Variants in THAP5 observed in about 807,000 individuals in gnomAD.
The protein encoded by THAP5 is THAP domain-containing protein 5.
THAP5 carries 26 observed loss-of-function variants against 34.0 expected under a neutral mutation model. The ratio of observed to expected loss-of-function variants is 0.77; its 90% CI spans 0.56 to 1.06. The LOEUF is 1.06. Ranked by LOEUF, THAP5 falls within the 50% of genes least tolerant of loss-of-function variation. The pLI is 0.00. For synonymous variants in THAP5, 125 were observed against 153.0 expected (o/e 0.82, Z 1.35); for missense variants, 394 against 452.8 (o/e 0.87, Z 1.18).
At chr7:108,553,641 A>G (rs1289619214), downstream of THAP5, among the ~76,000 whole-genome samples, 1 of 152,188 alleles carries the variant, frequency 6.6e-6, no homozygotes, top group East Asian at 1.9e-4. Context: ...AACTCAGTCA[A>G]GAATAAAATC....
chr7:108,562,797 A>C lies in THAP5; in HGVS notation c.*1394T>G, dbSNP rs1790382127. ...TTACAGTTTTCTTAAAATCATGTGAATATAAACAGTATTTTTATTTACATT... is the reference window on the plus strand; with the variant it reads ...TTACAGTTTTCTTAAAATCATGTGACTATAAACAGTATTTTTATTTACATT... On this transcript the variant is annotated 3_prime_UTR_variant, in exon 3 of 3. Transcript: ENST00000415914. 2 of 152,186 alleles carry C rather than the reference A, an allele frequency of 1.3e-5. No homozygotes were observed. The highest frequency in any genetic ancestry group is 2.1e-4 in the South Asian group (1 of 4,828). 9.4% of individuals were successfully genotyped at this position (152,186 alleles called of 1,614,324 possible).
downstream of THAP5, among the ~76,000 whole-genome samples, chr7:108,551,522 T>C (rs1258872826): frequency 6.6e-6 from 1 of 152,238 alleles, no homozygotes; most frequent in Non-Finnish European, 1.5e-5. Flanking sequence ...TTTTTCTTTG[T>C]AAATTACCCA....
downstream of THAP5, among the ~76,000 whole-genome samples, chr7:108,558,415 T>TATATATATATA (rs1554694595): frequency 1.6e-4 from 10 of 61,182 alleles, no homozygotes; most frequent in African/African-American, 4.7e-4. Flanking sequence ...ATATATATAT[T>TATATATATATA]TAGACAGAGT....
downstream of THAP5, among the ~76,000 whole-genome samples, chr7:108,561,273 T>TC (rs1864427681): frequency 1.3e-5 from 2 of 151,420 alleles, no homozygotes; most frequent in African/African-American, 4.9e-5. Flanking sequence ...ATACCATTTT[T>TC]TTTTTTTAAA....
In THAP5 at chr7:108,564,531, G is replaced by C. The variant is rs1308035714; in HGVS notation, c.848C>G (p.Pro283Arg). The C allele has an allele frequency of 1.9e-6, 3 of 1,613,596 alleles. No individual in the cohort carries two copies. Among genetic ancestry groups the C allele is most frequent in the Non-Finnish European group, 2.5e-6 (3 of 1,179,872 alleles). Residue 283 changes from proline to arginine, a missense_variant, in exon 3 of 3, where the codon CCC (proline) becomes CGC (arginine). By Grantham distance (103) the Pro-to-Arg change is moderately radical (BLOSUM62 -2). Transcript: ENST00000415914. ...TGCAGATATAAAAGAATTAACTGAG[G>C]GTTTAGAATTTTCAGCAGGTACAAA... ...AIFVPAENSK[P>R]SVNSFISAQK...
intron 1 of THAP5, among the ~76,000 whole-genome samples, chr7:108,566,686 A>T (rs932183244): frequency 2.0e-5 from 3 of 152,208 alleles, no homozygotes; most frequent in African/African-American, 7.2e-5. Context: ...AGAAGAAAAG[A>T]ATGGAACATG....
At chr7:108,561,322 G>A (rs1864428244), downstream of THAP5, among the ~76,000 whole-genome samples, 1 of 151,404 alleles carries the variant, frequency 6.6e-6, no homozygotes, top group Non-Finnish European at 1.5e-5. Context: ...GGAATGCAGT[G>A]GCACGATCTC....
downstream of THAP5, among the ~76,000 whole-genome samples, chr7:108,552,125 A>C (rs1433598904): frequency 1.3e-5 from 2 of 152,190 alleles, no homozygotes; most frequent in Non-Finnish European, 2.9e-5. Context: ...TTTCAGTATA[A>C]TGCCCCTGCC....
Position 108,565,755 on chromosome 7 carries a change from C to T in THAP5, c.273+75G>A, listed in dbSNP as rs528237634. On this transcript the variant is annotated intron_variant, in intron 2 of 2. Coordinates refer to ENST00000415914, the MANE Select transcript of THAP5 (RefSeq NM_001130475.3). ...TTACCCAAGTTATAGTTCCCTCTTA[C>T]TCTCCCACCTGATCACCTGCCACCC... is the stretch of plus-strand genomic sequence containing the variant. 3.4e-5 allele frequency: 41 copies of T among 1,198,540 alleles called. 1 individual carries two copies. The East Asian group carries it at 9.9e-4, about 29-fold the overall frequency. The allele number at this position is 1,198,540 out of a possible 1,614,324, so 74.2% of individuals were successfully genotyped here. A position where few individuals can be genotyped will look rare whatever the true frequency, so the allele number is the denominator to read the frequency against.
chr7:108,556,625 G>A (rs1260099148), intron 1 of THAP5, among the ~76,000 whole-genome samples: 1 of 152,222 alleles, frequency 6.6e-6, no homozygotes, highest in Non-Finnish European at 1.5e-5. Flanking sequence ...AAGGCCTCGG[G>A]CAGCTCTTCC....
the THAP5 span, among the ~76,000 whole-genome samples, chr7:108,549,117 C>CAT: frequency 6.8e-6 from 1 of 147,956 alleles, no homozygotes; most frequent in African/African-American, 2.5e-5. Context: ...CACACACACA[C>CAT]ACACACACAC....
intron 2 of THAP5, 62 bp downstream of exon 2, chr7:108,565,768 T>C (rs1309317158): frequency 7.5e-7 from 1 of 1,327,932 alleles, no homozygotes; most frequent in African/African-American, 1.5e-5. Flanking sequence ...TCCCACCTGA[T>C]CACCTGCCAC....
At chr7:108,569,295 C>T (rs1790557881) in intron 1 of THAP5, 195 bp downstream of exon 1, 1 of 1,441,082 alleles carries the variant, frequency 6.9e-7, no homozygotes, top group East Asian at 2.5e-5. Context: ...CGCCACCAGC[C>T]AGCAGTCCTC....
At chr7:108,542,007 C>T in the THAP5 span, among the ~76,000 whole-genome samples, 1 of 152,110 alleles carries the variant, frequency 6.6e-6, no homozygotes, top group Admixed American at 6.5e-5. Flanking sequence ...CTGTTCATTG[C>T]AGCACCTTGA....
the THAP5 span, among the ~76,000 whole-genome samples, chr7:108,547,711 C>T: frequency 2.0e-5 from 3 of 152,240 alleles, no homozygotes; most frequent in Admixed American, 2.0e-4. Flanking sequence ...TCTTTTAGTC[C>T]TAGTTCTATT....
In THAP5 at chr7:108,566,082, G is replaced by C. The variant is rs1271740724; in HGVS notation, c.81-60C>G. 3.5e-6 allele frequency: 5 copies of C among 1,422,406 alleles called. No homozygotes were observed. The African/African-American group carries it at 7.3e-5, about 21-fold the overall frequency. The allele number at this position is 1,422,406 out of a possible 1,614,324, so 88.1% of individuals were successfully genotyped here. ...AACTTTGCTATATTTTTACAATTTTGCCAAATTCCCACCCTATATATCTGG... is the reference window on the plus strand; with the variant it reads ...AACTTTGCTATATTTTTACAATTTTCCCAAATTCCCACCCTATATATCTGG... On this transcript the variant is annotated intron_variant, in intron 1 of 2. Transcript: ENST00000415914.
chr7:108,569,363 G>A (rs1790560320), intron 1 of THAP5, 127 bp downstream of exon 1: 5 of 1,504,644 alleles, frequency 3.3e-6, no homozygotes, highest in Admixed American at 2.2e-5. Context: ...GTCTTGCCGC[G>A]GGCGACGGGC....
chr7:108,564,619 A>G lies in THAP5; in HGVS notation c.760T>C (p.Phe254Leu), dbSNP rs756391459. 6.8e-6 allele frequency: 11 copies of G among 1,613,908 alleles called. No individual in the cohort carries two copies. In the East Asian group the frequency reaches 2.2e-4, roughly 33 times the overall value. Residue 254 changes from phenylalanine to leucine, a missense_variant, in exon 3 of 3, where the codon TTC becomes CTC. By Grantham distance (22) the Phe-to-Leu change is conservative. Coordinates refer to ENST00000415914, the MANE Select transcript of THAP5 (RefSeq NM_001130475.3). The part of the protein sequence containing the change: ...IKSAQENPFL[F>L]STINQTVEEL... ...TCAACTGTTTGATTAATTGTGCTGA[A>G]TAAGAATGGATTTTCCTGTGCTGAC...
downstream of THAP5, among the ~76,000 whole-genome samples, chr7:108,549,904 T>C (rs1370774555): frequency 6.6e-6 from 1 of 152,202 alleles, no homozygotes; most frequent in Non-Finnish European, 1.5e-5. Flanking sequence ...GGTGGCTCTC[T>C]AGTAACGTTG....
Sources: allele counts gnomAD v4.1 joint callset (sites outside exome capture counted in the v4.1 genomes callset), GRCh38; gene constraint gnomAD v4.1.1; transcripts MANE v1.5; gene names NCBI Gene and HGNC (gene_info 2026-07-23, HGNC 2026-07-21).